The following USH2A variants were observed in gnomAD, a reference collection of about 807,000 sequenced individuals.
USH2A encodes Usher syndrome 2A (autosomal recessive, mild).
Under a neutral mutation model 538.9 loss-of-function variants are expected in USH2A, and 443 were observed. That is an observed-to-expected ratio of 0.82 (90% CI 0.76 to 0.89). The LOEUF is 0.89. Ranked by LOEUF, USH2A falls within the 40% of genes least tolerant of loss-of-function variation. USH2A has a pLI of 0.00. For synonymous variants in USH2A, 2,413 were observed against 2,273.5 expected (o/e 1.06, Z -1.75); for missense variants, 6,633 against 6,324.8 (o/e 1.05, Z -1.65).
At chr1:215,669,547 C>A in intron 64 of USH2A, among the ~76,000 whole-genome samples, 1 of 152,054 alleles carries the variant, frequency 6.6e-6, no homozygotes. Flanking sequence ...TATAATAAAG[C>A]AATATTTTTG....
At chr1:215,881,661 C>T (rs1025687490) in intron 41 of USH2A, among the ~76,000 whole-genome samples, 17 of 151,984 alleles carry the variant, frequency 1.1e-4, no homozygotes, top group Non-Finnish European at 2.1e-4. Context: ...ATGTTATTGG[C>T]CTGAATAAGC....
In USH2A at chr1:216,289,371, T is replaced by C. The variant is rs1558366999; in HGVS notation, c.1880A>G (p.Gln627Arg). ...CELCKDYFFR[Q>R]VGADPSAIDV... ...TATGGCCGAAGGATCTGCACCAACT[T>C]GTCGGAAAAAGTAATCCTTGCACAG... Residue 627 changes from glutamine (Q) to arginine (R), a missense_variant, in exon 11 of 72, where the codon CAA becomes CGA. Coordinates refer to ENST00000307340, the MANE Select transcript of USH2A (RefSeq NM_206933.4). The C allele has an allele frequency of 1.9e-6, 3 of 1,613,870 alleles. No individual in the cohort carries two copies. The highest frequency in any genetic ancestry group is 1.7e-6 in the Non-Finnish European group (2 of 1,179,866).
At chr1:216,302,687 A>T (rs1449097473) in intron 9 of USH2A, among the ~76,000 whole-genome samples, 1 of 152,144 alleles carries the variant, frequency 6.6e-6, no homozygotes, top group Non-Finnish European at 1.5e-5. Flanking sequence ...CAATATTTCA[A>T]CTATTAATAT....
At chr1:216,054,773 C>A (rs1198910353) in intron 30 of USH2A, among the ~76,000 whole-genome samples, 1 of 149,492 alleles carries the variant, frequency 6.7e-6, no homozygotes, top group Non-Finnish European at 1.5e-5. Flanking sequence ...ATCTTCGAAT[C>A]GCTTGTACAG....
At chr1:216,098,026 G>T (rs570470455) in intron 21 of USH2A, among the ~76,000 whole-genome samples, 3 of 140,520 alleles carry the variant, frequency 2.1e-5, no homozygotes, top group East Asian at 4.2e-4. Context: ...CCATTACATG[G>T]CCCCATCTCC....
intron 55 of USH2A, among the ~76,000 whole-genome samples, chr1:215,774,153 T>C (rs925457194): frequency 6.6e-6 from 1 of 152,124 alleles, no homozygotes; most frequent in Non-Finnish European, 1.5e-5. Context: ...CATCAAAACA[T>C]CAAAACAAAG....
intron 37 of USH2A, among the ~76,000 whole-genome samples, chr1:215,940,987 C>T (rs568042644): frequency 1.5e-3 from 235 of 151,950 alleles, no homozygotes; most frequent in African/African-American, 5.0e-3. Context: ...TCTTTTTTAA[C>T]GTGTAGGCAC....
intron 3 of USH2A, among the ~76,000 whole-genome samples, chr1:216,383,281 C>G (rs765154633): frequency 5.9e-4 from 90 of 152,218 alleles, no homozygotes; most frequent in African/African-American, 2.1e-3. Context: ...GGCTCAACTA[C>G]GCAAAGATTC....
chr1:216,129,077 A>G (rs1182799600), intron 21 of USH2A, among the ~76,000 whole-genome samples: 3 of 152,040 alleles, frequency 2.0e-5, no homozygotes, highest in Non-Finnish European at 4.4e-5. Flanking sequence ...GCTGCAAACG[A>G]CTGGATTTTA....
rs565574475 is a variant in USH2A at position 216,217,760 on chromosome 1, C to T, written c.2994-210G>A. 2.6e-5 allele frequency among the ~76,000 whole-genome samples: 4 copies of T among 152,046 alleles called. No individual in the cohort carries two copies. The South Asian group carries it at 6.3e-4, about 24-fold the overall frequency. On this transcript the variant is annotated intron_variant, in intron 14 of 71. Transcript: ENST00000307340. ...TATAAAACTACTGTTCCTGGTAAAA[C>T]CCGTATAAAGCTTTCTCTTTATAAA...
At chr1:216,206,981 C>G (rs2035126738) in intron 16 of USH2A, among the ~76,000 whole-genome samples, 1 of 152,074 alleles carries the variant, frequency 6.6e-6, no homozygotes. Context: ...CACACAGACA[C>G]CTCAGCAGTT....
At chr1:215,666,366 C>T (rs918651812) in intron 64 of USH2A, among the ~76,000 whole-genome samples, 131 of 152,314 alleles carry the variant, frequency 8.6e-4, no homozygotes, top group African/African-American at 3.0e-3. Context: ...TCTAGTTTCA[C>T]ATCAAAACAA....
At chr1:215,796,267 T>C (rs567432984) in intron 50 of USH2A, among the ~76,000 whole-genome samples, 7,281 of 142,574 alleles carry the variant, frequency 0.051, 188 homozygotes, top group East Asian at 0.1. Flanking sequence ...GAGACTGCAT[T>C]TTTTTACAAA....
At position 216,421,980 on chromosome 1, in the gene USH2A, G is replaced by T. The variant is rs562750831; in HGVS notation, c.357C>A (p.Asn119Lys). The T allele has an allele frequency of 1.2e-6, 2 of 1,613,924 alleles. No homozygotes were observed. Among genetic ancestry groups the T allele is most frequent in the East Asian group, 2.2e-5 (1 of 44,874 alleles). Reference sequence around the variant, plus strand: ...TAAAACTTGCAGAATTGCTATGGGCGTTAGGATGCAGATCATTCTTGTCTG... The same window carrying T: ...TAAAACTTGCAGAATTGCTATGGGCTTTAGGATGCAGATCATTCTTGTCTG... ...ITPDKNDLHPNAHSNSASFIF... is the reference protein window; with the variant it reads ...ITPDKNDLHPKAHSNSASFIF... Residue 119 changes from asparagine to lysine, a missense_variant, in exon 2 of 72, where the codon AAC (asparagine) becomes AAA (lysine). Physicochemically the swap from Asn to Lys is moderately conservative, Grantham distance 94. Coordinates refer to ENST00000307340, the MANE Select transcript of USH2A (RefSeq NM_206933.4).
intron 38 of USH2A, among the ~76,000 whole-genome samples, chr1:215,933,573 C>T (rs968882681): frequency 6.6e-6 from 1 of 151,898 alleles, no homozygotes; most frequent in Non-Finnish European, 1.5e-5. Context: ...TATGATACAA[C>T]AAGTAATGAA....
intron 67 of USH2A, among the ~76,000 whole-genome samples, chr1:215,645,213 G>A (rs551312938): frequency 1.8e-4 from 28 of 152,138 alleles, no homozygotes; most frequent in Non-Finnish European, 3.7e-4. Context: ...AAGGGTGAGC[G>A]GCAGAGGGAG....
intron 62 of USH2A, among the ~76,000 whole-genome samples, chr1:215,679,722 A>C (rs550132846): frequency 6.6e-6 from 1 of 152,340 alleles, no homozygotes; most frequent in South Asian, 2.1e-4. Flanking sequence ...AGCATAAATT[A>C]GGCAAGTCTT....
intron 37 of USH2A, among the ~76,000 whole-genome samples, chr1:215,942,737 G>A (rs907691035): frequency 2.6e-5 from 4 of 152,132 alleles, no homozygotes; most frequent in Non-Finnish European, 5.9e-5. Context: ...TCTTAGTATA[G>A]CGCAGCTCCT....
chr1:216,316,762 C>A (rs926062491), intron 9 of USH2A, among the ~76,000 whole-genome samples: 1 of 152,006 alleles, frequency 6.6e-6, no homozygotes, highest in Non-Finnish European at 1.5e-5. Context: ...TTTTTTCATA[C>A]GTTTGTTGGC....
Sources: gnomAD v4.1 joint callset for allele counts (sites outside exome capture counted in the v4.1 genomes callset) on GRCh38, gnomAD v4.1.1 for gene constraint, MANE v1.5 for transcripts, NCBI Gene and HGNC (gene_info 2026-07-23, HGNC 2026-07-21) for gene names.